Variants in MNAT1 observed in about 807,000 individuals in gnomAD.
MNAT1 encodes the protein MNAT1 component of CDK activating kinase.
In MNAT1, 43 loss-of-function variants were observed where a neutral mutation model predicts 42.0. The observed-to-expected ratio is 1.02, with a 90% CI of 0.80 to 1.32. The LOEUF is 1.32. Ranked by LOEUF, MNAT1 falls within the 40% of genes most tolerant of loss-of-function variation. The probability of loss-of-function intolerance (pLI) is 0.00; values close to 1 mark genes in which losing one functional copy is unlikely to be tolerated. For synonymous variants in MNAT1, 118 were observed against 120.0 expected (o/e 0.98, Z 0.11); for missense variants, 306 against 350.4 (o/e 0.87, Z 1.01).
intron 1 of MNAT1, among the ~76,000 whole-genome samples, chr14:60,770,276 A>T (rs1022532148): frequency 6.6e-6 from 1 of 152,154 alleles, no homozygotes; most frequent in South Asian, 2.1e-4. Context: ...CTTTTTTAAA[A>T]GGTGCATAAT....
At chr14:60,755,154 A>C (rs2030284229) in intron 1 of MNAT1, among the ~76,000 whole-genome samples, 1 of 151,850 alleles carries the variant, frequency 6.6e-6, no homozygotes. Context: ...GTGTGCCACC[A>C]TGCCTACCTA....
chr14:60,952,261 G>A (rs184010034), intron 7 of MNAT1, among the ~76,000 whole-genome samples: 2 of 152,172 alleles, frequency 1.3e-5, no homozygotes, highest in Non-Finnish European at 2.9e-5. Flanking sequence ...AAGTACAGTA[G>A]GCCTTGAATG....
intron 7 of MNAT1, among the ~76,000 whole-genome samples, chr14:60,888,415 T>C (rs900212260): frequency 2.0e-5 from 3 of 151,736 alleles, no homozygotes; most frequent in Non-Finnish European, 4.4e-5. Context: ...TGCTAGAAAC[T>C]CTCAATAAAT....
intron 1 of MNAT1, chr14:60,779,828 C>T (rs575971379): frequency 3.4e-6 from 2 of 594,528 alleles, no homozygotes; most frequent in East Asian, 2.8e-5. Flanking sequence ...AAGCTGTTTC[C>T]TGCTAGAGTG....
chr14:60,737,459 A>G (rs1182713211), intron 1 of MNAT1, among the ~76,000 whole-genome samples: 1 of 152,144 alleles, frequency 6.6e-6, no homozygotes, highest in Non-Finnish European at 1.5e-5. Flanking sequence ...CTCTAGATCA[A>G]TATGCATATG....
At chr14:60,789,990 G>A (rs1383425619) in intron 1 of MNAT1, among the ~76,000 whole-genome samples, 3 of 151,654 alleles carry the variant, frequency 2.0e-5, no homozygotes, top group Non-Finnish European at 2.9e-5. Context: ...GAATGTTTAT[G>A]CACAAAGTTG....
Position 60,910,356 on chromosome 14 carries a change from A to G in MNAT1, c.809+30521A>G, listed in dbSNP as rs548639063. Among the ~76,000 whole-genome samples, 741 of 152,232 alleles carry G rather than the reference A, an allele frequency of 4.9e-3. 10 individuals carry two copies. The highest frequency in any genetic ancestry group is 0.016 in the African/African-American group (667 of 41,552). ...GATTGCCCTGGCCAGAACTTCCAAC[A>G]CTATGTTGAATAGGAGTGGTGAGAG... On this transcript the variant is annotated intron_variant, in intron 7 of 7. Transcript: ENST00000261245.
intron 7 of MNAT1, among the ~76,000 whole-genome samples, chr14:60,926,069 C>T (rs1322698545): frequency 6.6e-6 from 1 of 152,204 alleles, no homozygotes; most frequent in East Asian, 1.9e-4. Flanking sequence ...TTTGGCCCTA[C>T]TCTCTGGTTA....
intron 1 of MNAT1, among the ~76,000 whole-genome samples, chr14:60,746,311 C>T (rs752196323): frequency 1.3e-5 from 2 of 151,960 alleles, no homozygotes; most frequent in Non-Finnish European, 2.9e-5. Flanking sequence ...GTCAGGAGTT[C>T]GAGACCAGCC....
intron 6 of MNAT1, among the ~76,000 whole-genome samples, chr14:60,844,120 T>A (rs994493883): frequency 1.8e-4 from 17 of 95,668 alleles, no homozygotes; most frequent in Non-Finnish European, 4.4e-5. Context: ...CTGTTTTCCT[T>A]ATTCTGTTTC....
At chr14:60,746,434 G>A (rs1320539675) in intron 1 of MNAT1, among the ~76,000 whole-genome samples, 1 of 151,496 alleles carries the variant, frequency 6.6e-6, no homozygotes, top group Non-Finnish European at 1.5e-5. Flanking sequence ...AGAATCACTT[G>A]AACCTGGGAG....
rs1309942390 is a variant in MNAT1 at position 60,774,701 on chromosome 14, AT to A, written c.90-21512del. On this transcript the variant is annotated intron_variant, in intron 1 of 7. Coordinates refer to ENST00000261245, the MANE Select transcript of MNAT1 (RefSeq NM_002431.4). ...CAAAAGCAGATGTATTTTAGATTGT[AT>A]TTTAGATGTAGAGTCATCAGTCTTG... is the stretch of plus-strand genomic sequence containing the variant. Among the ~76,000 whole-genome samples, 3 of 152,264 alleles carry A rather than the reference AT, an allele frequency of 2.0e-5. No individual in the cohort carries two copies. In the East Asian group the frequency reaches 5.8e-4, roughly 29 times the overall value.
intron 1 of MNAT1, among the ~76,000 whole-genome samples, chr14:60,757,562 G>A (rs2030413356): frequency 6.6e-6 from 1 of 152,118 alleles, no homozygotes; most frequent in Admixed American, 6.5e-5. Context: ...GGGCTTTAGG[G>A]CAAGATTTCC....
In MNAT1 at chr14:60,865,342, A is replaced by G. The variant is rs778805437; in HGVS notation, c.688-14372A>G. On this transcript the variant is annotated intron_variant, in intron 6 of 7. Transcript: ENST00000261245. ...TATGTATAAGTTGTCATTGTTGGAT[A>G]AAGTTCACTTATAGTGCCAAGTTAG... Among the ~76,000 whole-genome samples the G allele has an allele frequency of 7.2e-5, 11 of 152,136 alleles. 1 individual carries two copies. The highest frequency in any genetic ancestry group is 6.3e-3 in the Middle Eastern group (2 of 316).
At chr14:60,946,702 C>T (rs2036283460) in intron 7 of MNAT1, among the ~76,000 whole-genome samples, 1 of 152,008 alleles carries the variant, frequency 6.6e-6, no homozygotes, top group African/African-American at 2.4e-5. Flanking sequence ...GTATATCGTT[C>T]CTGATAATTT....
chr14:60,867,146 A>T lies in MNAT1; in HGVS notation c.688-12568A>T, dbSNP rs377342307. On this transcript the variant is annotated intron_variant, in intron 6 of 7. Transcript: ENST00000261245. ...TAGAGCCATTTTATTTCTAATGTTGAGCAAGAAACTTAAGCCCTTAGCTAG... is the reference window on the plus strand; with the variant it reads ...TAGAGCCATTTTATTTCTAATGTTGTGCAAGAAACTTAAGCCCTTAGCTAG... 3.3e-4 allele frequency among the ~76,000 whole-genome samples: 50 copies of T among 152,232 alleles called. No homozygotes were observed. In the South Asian group the frequency reaches 9.9e-3, roughly 30 times the overall value.
chr14:60,905,589 G>C (rs2035178153), intron 7 of MNAT1, among the ~76,000 whole-genome samples: 1 of 152,178 alleles, frequency 6.6e-6, no homozygotes, highest in Non-Finnish European at 1.5e-5. Context: ...TGAGAATTAA[G>C]GGAGCCAGTG....
intron 7 of MNAT1, among the ~76,000 whole-genome samples, chr14:60,940,284 G>T (rs949071936): frequency 1.3e-5 from 2 of 152,190 alleles, no homozygotes; most frequent in Non-Finnish European, 2.9e-5. Flanking sequence ...TATGATGTTA[G>T]CTGGTTATTT....
At chr14:60,959,808 C>G (rs2139618486) in intron 7 of MNAT1, among the ~76,000 whole-genome samples, 1 of 152,124 alleles carries the variant, frequency 6.6e-6, no homozygotes, top group East Asian at 1.9e-4. Context: ...TCATTCCTTG[C>G]TTTTCTTTAT....
Sources: gnomAD v4.1 joint callset for allele counts (sites outside exome capture counted in the v4.1 genomes callset) on GRCh38, gnomAD v4.1.1 for gene constraint, MANE v1.5 for transcripts, NCBI Gene and HGNC (gene_info 2026-07-23, HGNC 2026-07-21) for gene names.